Variants in SYT1 observed in about 807,000 individuals in gnomAD.
SYT1 encodes synaptotagmin 1.
A neutral mutation model predicts 44.8 loss-of-function variants in SYT1; 8 were observed. The observed-to-expected ratio is 0.18, with a 90% CI of 0.10 to 0.32. The LOEUF is 0.32. Among genes scored for constraint, SYT1 ranks in the 10% least tolerant of loss-of-function variants. The pLI is 1.00. For missense variants in SYT1, 286 were observed against 509.3 expected, an observed-to-expected ratio of 0.56 and a Z score of 4.22; for synonymous variants, 154 against 188.8, an observed-to-expected ratio of 0.82 and a Z score of 1.51.
intron 3 of SYT1, among the ~76,000 whole-genome samples, chr12:79,154,696 G>A (rs1006335636): frequency 3.9e-5 from 6 of 152,084 alleles, no homozygotes; most frequent in Middle Eastern, 3.2e-3. Flanking sequence ...AGTAACAAAC[G>A]GAGAGAACTT....
At chr12:79,260,769 GA>G (rs1273496836) in intron 4 of SYT1, among the ~76,000 whole-genome samples, 1 of 151,042 alleles carries the variant, frequency 6.6e-6, no homozygotes, top group Admixed American at 6.6e-5. Flanking sequence ...TTTTTCTAAG[GA>G]AAAAATTAAG....
rs74110309 is a variant in SYT1, at chr12:79,262,242, G to A, written c.167-23545G>A. Among the ~76,000 whole-genome samples the A allele has an allele frequency of 3.8e-3, 573 of 152,076 alleles. 8 individuals are homozygous for A. Among genetic ancestry groups the A allele is most frequent in the African/African-American group, 0.013 (557 of 41,478 alleles). On this transcript the variant is annotated intron_variant, in intron 4 of 10. Transcript: ENST00000261205. ...AAGAACCTATTTTGTTTTATAGCAT[G>A]GTTGGACTTTTCTCTAGAAAATTAC...
intron 2 of SYT1, among the ~76,000 whole-genome samples, chr12:79,039,655 G>T (rs1341805040): frequency 6.8e-6 from 1 of 147,842 alleles, no homozygotes; most frequent in Non-Finnish European, 1.5e-5. Flanking sequence ...AAGTTTTAGG[G>T]TACATGTGCA....
rs1489426495 is a variant in SYT1 at position 78,929,211 on chromosome 12, A to C, written c.-216-48588A>C. On this transcript the variant is annotated intron_variant, in intron 1 of 10. Transcript: ENST00000261205. ...GAGGGCAGGAGTTCAAGACCAGTCT[A>C]GCCAACGTGGTGAAACTCCGCCTCT... is the stretch of plus-strand genomic sequence containing the variant. 4.0e-5 allele frequency among the ~76,000 whole-genome samples: 6 copies of C among 151,688 alleles called. No individual in the cohort carries two copies. The East Asian group carries it at 1.2e-3, about 30-fold the overall frequency.
At chr12:79,334,618 G>A (rs1023289066) in intron 8 of SYT1, among the ~76,000 whole-genome samples, 4 of 152,248 alleles carry the variant, frequency 2.6e-5, no homozygotes, top group Non-Finnish European at 2.9e-5. Context: ...GCACGCATCC[G>A]CTCTCCTTGT....
Position 79,427,344 on chromosome 12 carries a change from C to G in SYT1, c.929-16729C>G, listed in dbSNP as rs149993597. On this transcript the variant is annotated intron_variant, in intron 9 of 10. Coordinates refer to ENST00000261205, the MANE Select transcript of SYT1 (RefSeq NM_005639.3). Reference sequence around the variant, plus strand: ...GATTTCCAGGGACAATTCTTATGGGCCTGTGCCCAAGAAGTCCCCATAAGG... The same window carrying G: ...GATTTCCAGGGACAATTCTTATGGGGCTGTGCCCAAGAAGTCCCCATAAGG... Among the ~76,000 whole-genome samples, 1,052 of 152,278 alleles carry G rather than the reference C, an allele frequency of 6.9e-3. 5 individuals carry two copies. Among genetic ancestry groups the G allele is most frequent in the African/African-American group, 0.022 (931 of 41,542 alleles).
At chr12:79,171,244 T>G (rs1207485234) in intron 3 of SYT1, among the ~76,000 whole-genome samples, 1 of 152,094 alleles carries the variant, frequency 6.6e-6, no homozygotes, top group Non-Finnish European at 1.5e-5. Context: ...CAAGAGTAGT[T>G]TAATAGGAAT....
At chr12:79,075,197 A>G (rs1565794216) in intron 3 of SYT1, among the ~76,000 whole-genome samples, 2 of 152,144 alleles carry the variant, frequency 1.3e-5, no homozygotes, top group African/African-American at 4.8e-5. Flanking sequence ...AGTTCGTTCA[A>G]TCTCTTGCTT....
intron 2 of SYT1, among the ~76,000 whole-genome samples, chr12:78,978,537 T>C (rs1027180430): frequency 6.6e-6 from 1 of 152,218 alleles, no homozygotes; most frequent in Non-Finnish European, 1.5e-5. Flanking sequence ...TTGTCTTAAC[T>C]AATGAATTCC....
chr12:79,013,393 T>C (rs548088198), intron 2 of SYT1, among the ~76,000 whole-genome samples: 33 of 152,320 alleles, frequency 2.2e-4, no homozygotes, highest in African/African-American at 7.9e-4. Context: ...ATATTTGCTA[T>C]GTACTGAGTC....
intron 3 of SYT1, among the ~76,000 whole-genome samples, chr12:79,212,415 TG>T (rs1169274615): frequency 1.3e-5 from 2 of 151,540 alleles, no homozygotes; most frequent in African/African-American, 4.9e-5. Context: ...ATGCATGTGG[TG>T]CTTAAAACCA....
chr12:78,927,840 A>T (rs368682177), intron 1 of SYT1, among the ~76,000 whole-genome samples: 2 of 152,138 alleles, frequency 1.3e-5, no homozygotes, highest in African/African-American at 4.8e-5. Context: ...CGTCTATAGC[A>T]TAATACTAAA....
intron 2 of SYT1, among the ~76,000 whole-genome samples, chr12:79,029,044 T>C (rs1178322635): frequency 6.6e-6 from 1 of 151,334 alleles, no homozygotes; most frequent in Non-Finnish European, 1.5e-5. Context: ...TAGTCTCTTA[T>C]GCAGAAATAT....
At chr12:79,409,330 C>G (rs1371094335) in intron 9 of SYT1, among the ~76,000 whole-genome samples, 1 of 152,048 alleles carries the variant, frequency 6.6e-6, no homozygotes, top group East Asian at 1.9e-4. Context: ...CTGGTAACTG[C>G]CACACACTCA....
At chr12:79,208,036 G>C (rs1874227642) in intron 3 of SYT1, among the ~76,000 whole-genome samples, 1 of 152,052 alleles carries the variant, frequency 6.6e-6, no homozygotes, top group Non-Finnish European at 1.5e-5. Context: ...TAAGCTATTT[G>C]TTCATTTTGA....
intron 8 of SYT1, among the ~76,000 whole-genome samples, chr12:79,324,839 A>G (rs1327523134): frequency 6.6e-6 from 1 of 152,212 alleles, no homozygotes; most frequent in African/African-American, 2.4e-5. Flanking sequence ...ATAAATACAT[A>G]AAGACTTATA....
intron 3 of SYT1, among the ~76,000 whole-genome samples, chr12:79,124,070 G>A (rs1175150437): frequency 6.6e-6 from 1 of 152,126 alleles, no homozygotes; most frequent in Non-Finnish European, 1.5e-5. Flanking sequence ...AACCCCATGA[G>A]GTTTTCCTGA....
chr12:79,109,386 C>T (rs143554834), intron 3 of SYT1, among the ~76,000 whole-genome samples: 2 of 152,236 alleles, frequency 1.3e-5, no homozygotes, highest in Admixed American at 6.5e-5. Flanking sequence ...ATAAAAGAAT[C>T]GAGGGTCAGA....
At chr12:79,169,597 A>T (rs116253944) in intron 3 of SYT1, among the ~76,000 whole-genome samples, 23 of 152,118 alleles carry the variant, frequency 1.5e-4, no homozygotes, top group African/African-American at 4.1e-4. Context: ...TTACAAGCAG[A>T]TTTGAACTAT....
Sources: allele counts gnomAD v4.1 joint callset (sites outside exome capture counted in the v4.1 genomes callset), GRCh38; gene constraint gnomAD v4.1.1; transcripts MANE v1.5; gene names NCBI Gene and HGNC (gene_info 2026-07-23, HGNC 2026-07-21).